Variants in BICC1 observed in about 807,000 individuals in gnomAD.
BICC1 encodes the protein BicC family RNA binding protein 1.
A neutral mutation model predicts 111.0 loss-of-function variants in BICC1; 43 were observed. The ratio of observed to expected loss-of-function variants is 0.39; its 90% CI spans 0.30 to 0.50. The LOEUF is 0.50. Ranked by LOEUF, BICC1 falls within the 20% of genes least tolerant of loss-of-function variation. The pLI is 0.88. For synonymous variants in BICC1, 467 were observed against 434.4 expected (o/e 1.07, Z -0.93); for missense variants, 1,091 against 1,203.2 (o/e 0.91, Z 1.38).
chr10:58,759,087 G>A (rs1385556621), intron 3 of BICC1, among the ~76,000 whole-genome samples: 1 of 151,976 alleles, frequency 6.6e-6, no homozygotes, highest in Non-Finnish European at 1.5e-5. Context: ...AGCCTCCTGA[G>A]TAGCTGGGAT....
At chr10:58,527,521 G>A (rs1052940065) in intron 1 of BICC1, among the ~76,000 whole-genome samples, 1 of 152,124 alleles carries the variant, frequency 6.6e-6, no homozygotes, top group Non-Finnish European at 1.5e-5. Context: ...GAATAGTATT[G>A]TCTAGGTTTT....
chr10:58,730,081 G>A (rs910566286), intron 3 of BICC1, among the ~76,000 whole-genome samples: 2 of 152,124 alleles, frequency 1.3e-5, no homozygotes, highest in African/African-American at 4.8e-5. Context: ...TTGAGACAAG[G>A]CAAGTCCCTT....
intron 15 of BICC1, 64 bp from the exon 16 acceptor site, chr10:58,806,520 C>A: frequency 7.0e-7 from 1 of 1,421,292 alleles, no homozygotes; most frequent in Non-Finnish European, 9.9e-7. Flanking sequence ...GTTCTCTAAC[C>A]ATGGAGTGTT....
At chr10:58,665,332 T>G (rs1454903303) in intron 2 of BICC1, among the ~76,000 whole-genome samples, 1 of 152,174 alleles carries the variant, frequency 6.6e-6, no homozygotes, top group Non-Finnish European at 1.5e-5. Flanking sequence ...GCATAAGTAT[T>G]CTGTATAATA....
At chr10:58,797,676 A>G (rs1323118132) in intron 10 of BICC1, among the ~76,000 whole-genome samples, 1 of 152,154 alleles carries the variant, frequency 6.6e-6, no homozygotes, top group Non-Finnish European at 1.5e-5. Context: ...TGCTATACCT[A>G]TCCTGTTATA....
intron 3 of BICC1, among the ~76,000 whole-genome samples, chr10:58,710,984 G>T (rs1840555242): frequency 6.6e-6 from 1 of 152,054 alleles, no homozygotes; most frequent in Non-Finnish European, 1.5e-5. Context: ...AAGTAGCTGG[G>T]ACTACAGGTG....
At chr10:58,761,735 A>G (rs1842322349) in intron 3 of BICC1, among the ~76,000 whole-genome samples, 1 of 152,148 alleles carries the variant, frequency 6.6e-6, no homozygotes, top group Non-Finnish European at 1.5e-5. Context: ...TGGAGACTGA[A>G]AAGTAAGGAC....
At chr10:58,823,196 G>A (rs1844302422) in intron 20 of BICC1, 1 of 983,708 alleles carries the variant, frequency 1.0e-6, no homozygotes. Context: ...GCCTCAGGTA[G>A]ATCTAACATT....
intron 2 of BICC1, among the ~76,000 whole-genome samples, chr10:58,684,560 A>G (rs1004581907): frequency 4.6e-5 from 7 of 152,136 alleles, no homozygotes; most frequent in African/African-American, 1.7e-4. Flanking sequence ...AGAGCCTGTT[A>G]TTAGTCTATT....
intron 1 of BICC1, among the ~76,000 whole-genome samples, chr10:58,564,606 G>T (rs1270020269): frequency 6.6e-6 from 1 of 152,054 alleles, no homozygotes; most frequent in East Asian, 1.9e-4. Context: ...CTGTTCAATT[G>T]CCCCTTGTTC....
intron 1 of BICC1, among the ~76,000 whole-genome samples, chr10:58,601,960 G>A (rs1347422459): frequency 6.6e-6 from 1 of 152,042 alleles, no homozygotes; most frequent in African/African-American, 2.4e-5. Context: ...TTTCAGGATA[G>A]GTGTCTCAGC....
At chr10:58,549,180 T>C (rs1480930618) in intron 1 of BICC1, among the ~76,000 whole-genome samples, 2 of 152,046 alleles carry the variant, frequency 1.3e-5, no homozygotes, top group Non-Finnish European at 2.9e-5. Flanking sequence ...AGTATTCTAT[T>C]ATATGGATGA....
intron 2 of BICC1, among the ~76,000 whole-genome samples, chr10:58,682,860 T>A (rs1256406815): frequency 1.3e-5 from 2 of 152,236 alleles, no homozygotes; most frequent in Admixed American, 6.5e-5. Context: ...TAGTTTCTTT[T>A]GCTGTGTGCA....
At position 58,604,396 on chromosome 10, in the gene BICC1, G is replaced by C. The variant is rs11006202; in HGVS notation, c.191-16459G>C. On this transcript the variant is annotated intron_variant, in intron 1 of 20. Coordinates refer to ENST00000373886, the MANE Select transcript of BICC1 (RefSeq NM_001080512.3). ...AACAAAAAAAATTAAGCGGCTGGGC[G>C]TGGTGGCTCATGCCTGTAATCCCAG... is the stretch of plus-strand genomic sequence containing the variant. Among the ~76,000 whole-genome samples the C allele has an allele frequency of 2.0e-5, 3 of 152,002 alleles. No homozygotes were observed. In the South Asian group the frequency reaches 6.2e-4, roughly 31 times the overall value.
chr10:58,771,660 A>G (rs757958970), intron 3 of BICC1, among the ~76,000 whole-genome samples: 2 of 152,154 alleles, frequency 1.3e-5, no homozygotes, highest in Non-Finnish European at 2.9e-5. Context: ...AAGCATCAAG[A>G]TAGGAAATTA....
chr10:58,692,172 GAGAA>G (rs373671014), intron 2 of BICC1, among the ~76,000 whole-genome samples: 2,395 of 152,248 alleles, frequency 0.016, 60 homozygotes, highest in African/African-American at 0.055. Flanking sequence ...GTATGAGAGA[GAGAA>G]AGAGAGAGAG....
intron 3 of BICC1, among the ~76,000 whole-genome samples, chr10:58,764,507 G>A (rs948412037): frequency 1.3e-5 from 2 of 152,070 alleles, no homozygotes; most frequent in Non-Finnish European, 2.9e-5. Context: ...TATATAGAAA[G>A]TGAAGGTGAT....
In BICC1 at chr10:58,684,103, G is replaced by A. The variant is rs150452382; in HGVS notation, c.238-17971G>A. Among the ~76,000 whole-genome samples the A allele has an allele frequency of 4.7e-3, 722 of 152,170 alleles. 13 individuals are homozygous for A. The highest frequency in any genetic ancestry group is 0.016 in the African/African-American group (671 of 41,528). On this transcript the variant is annotated intron_variant, in intron 2 of 20. Transcript: ENST00000373886. ...GCATGAAGCGCTGTTGAATTTCGTC[G>A]AAGGCCTTTTCTGCATCTGTTGAGA...
At chr10:58,640,108 CT>C (rs904945762) in intron 2 of BICC1, among the ~76,000 whole-genome samples, 2 of 151,722 alleles carry the variant, frequency 1.3e-5, no homozygotes, top group African/African-American at 4.8e-5. Context: ...ACTTTTTATT[CT>C]TTTTTTTCTG....
Sources: allele counts gnomAD v4.1 joint callset (sites outside exome capture counted in the v4.1 genomes callset), GRCh38; gene constraint gnomAD v4.1.1; transcripts MANE v1.5; gene names NCBI Gene and HGNC (gene_info 2026-07-23, HGNC 2026-07-21).